VRK2: variants seen among roughly 807,000 people sequenced by gnomAD.
The protein encoded by VRK2 is serine/threonine-protein kinase VRK2.
In VRK2, 60 loss-of-function variants were observed where a neutral mutation model predicts 57.6. The ratio of observed to expected loss-of-function variants is 1.04; its 90% CI spans 0.85 to 1.29. The LOEUF (loss-of-function observed/expected upper bound fraction) is 1.29. Among genes scored for constraint, VRK2 ranks in the 50% most tolerant of loss-of-function variants. The pLI is 0.00. For synonymous variants in VRK2, 231 were observed against 199.2 expected (o/e 1.16, Z -1.35); for missense variants, 705 against 588.1 (o/e 1.20, Z -2.06).
intron 12 of VRK2, among the ~76,000 whole-genome samples, chr2:58,157,469 T>C (rs929221848): frequency 6.6e-6 from 1 of 152,140 alleles, no homozygotes; most frequent in Non-Finnish European, 1.5e-5. Context: ...CAACCCAAAA[T>C]GTCTCCAGAA....
At position 57,946,444 on chromosome 2, in the gene VRK2, AC is replaced by A. The variant is rs375783440; in HGVS notation, c.-439+38606del. The stretch of plus-strand genomic sequence containing the variant: ...ATTCTGATTCAAACCCTTAATAAGT[AC>A]TATTAAAGTAAAATTTTAGTAACTT... On this transcript the variant is annotated intron_variant, in intron 1 of 15. Coordinates refer to the VRK2 transcript ENST00000417641. Among the ~76,000 whole-genome samples the A allele has an allele frequency of 3.5e-4, 53 of 152,264 alleles. 1 individual carries two copies. In the South Asian group the frequency reaches 0.01, roughly 30 times the overall value.
intron 7 of VRK2, among the ~76,000 whole-genome samples, chr2:58,117,625 C>T (rs533152263): frequency 2.0e-5 from 3 of 152,188 alleles, no homozygotes; most frequent in South Asian, 2.1e-4. Context: ...AATGCCTGGA[C>T]GTCAGGCACC....
intron 1 of VRK2, among the ~76,000 whole-genome samples, chr2:57,951,583 T>C (rs896127505): frequency 3.3e-5 from 5 of 152,170 alleles, no homozygotes; most frequent in Non-Finnish European, 7.3e-5. Context: ...GAAGAGTCAA[T>C]TGATGCTGCA....
At chr2:58,118,914 G>GT (rs1260814727) in intron 7 of VRK2, among the ~76,000 whole-genome samples, 7 of 152,314 alleles carry the variant, frequency 4.6e-5, no homozygotes, top group African/African-American at 1.7e-4. Context: ...AAGGTGCTCA[G>GT]TGGGGTAGCT....
chr2:57,914,371 A>C (rs1251849884), intron 1 of VRK2, among the ~76,000 whole-genome samples: 2 of 152,034 alleles, frequency 1.3e-5, no homozygotes, highest in Admixed American at 1.3e-4. Flanking sequence ...ACCTTAGTTA[A>C]TATCAGCTCT....
intron 11 of VRK2, among the ~76,000 whole-genome samples, chr2:58,143,090 G>A (rs1224963782): frequency 6.6e-6 from 1 of 151,736 alleles, no homozygotes; most frequent in East Asian, 1.9e-4. Context: ...GAATTTAACG[G>A]TTTACAAAAT....
At chr2:57,935,661 C>T (rs1293625416) in intron 1 of VRK2, among the ~76,000 whole-genome samples, 2 of 151,322 alleles carry the variant, frequency 1.3e-5, no homozygotes, top group Non-Finnish European at 2.9e-5. Context: ...TCTCTGCTCT[C>T]ATTCTCTCCC....
At chr2:58,136,706 T>C (rs1048037112) in intron 10 of VRK2, among the ~76,000 whole-genome samples, 1 of 150,534 alleles carries the variant, frequency 6.6e-6, no homozygotes, top group African/African-American at 2.4e-5. Context: ...TTTTACCAAG[T>C]TGTATAGTTC....
chr2:58,060,879 C>T, intron 2 of VRK2, among the ~76,000 whole-genome samples: 1 of 151,840 alleles, frequency 6.6e-6, no homozygotes, highest in East Asian at 1.9e-4. Flanking sequence ...AATAATAGCT[C>T]TCATTCTATT....
At chr2:58,138,828 A>G (rs113873051) in intron 10 of VRK2, among the ~76,000 whole-genome samples, 5 of 152,202 alleles carry the variant, frequency 3.3e-5, no homozygotes, top group Admixed American at 1.3e-4. Context: ...GTTTTTAAAT[A>G]GTATTTGGTA....
At chr2:57,960,873 C>T (rs1241929473) in intron 1 of VRK2, among the ~76,000 whole-genome samples, 1 of 152,188 alleles carries the variant, frequency 6.6e-6, no homozygotes, top group Non-Finnish European at 1.5e-5. Context: ...AGGGCCCTGC[C>T]CTCCTCCATT....
chr2:57,995,643 G>GT (rs922962766), intron 1 of VRK2, among the ~76,000 whole-genome samples: 1 of 152,102 alleles, frequency 6.6e-6, no homozygotes, highest in Admixed American at 6.5e-5. Flanking sequence ...GGCTTACTCT[G>GT]TTTGAGTGTG....
intron 2 of VRK2, among the ~76,000 whole-genome samples, chr2:58,058,166 C>G (rs1360833886): frequency 6.6e-6 from 1 of 151,986 alleles, no homozygotes; most frequent in Non-Finnish European, 1.5e-5. Flanking sequence ...ATTTTAAAAT[C>G]AAATGAAAGA....
chr2:58,016,300 C>T (rs546376195), intron 1 of VRK2, among the ~76,000 whole-genome samples: 21 of 152,176 alleles, frequency 1.4e-4, no homozygotes, highest in Non-Finnish European at 2.5e-4. Flanking sequence ...TAATTATACA[C>T]TCTTGCAGAA....
At chr2:57,983,602 TC>T (rs1672500901) in intron 1 of VRK2, among the ~76,000 whole-genome samples, 1 of 152,200 alleles carries the variant, frequency 6.6e-6, no homozygotes, top group African/African-American at 2.4e-5. Context: ...GTATTTGCCT[TC>T]CTTTCACATT....
intron 7 of VRK2, among the ~76,000 whole-genome samples, chr2:58,092,735 A>G (rs1389851660): frequency 1.3e-5 from 2 of 152,096 alleles, no homozygotes; most frequent in African/African-American, 4.8e-5. Flanking sequence ...ATATATGTAT[A>G]CATGTGCCAT....
intron 1 of VRK2, among the ~76,000 whole-genome samples, chr2:57,942,656 G>A (rs1671137034): frequency 6.6e-6 from 1 of 151,976 alleles, no homozygotes; most frequent in African/African-American, 2.4e-5. Flanking sequence ...TTTAACTACT[G>A]TACCTTGCAG....
At chr2:58,092,905 C>T (rs1276651841) in intron 7 of VRK2, among the ~76,000 whole-genome samples, 1 of 152,124 alleles carries the variant, frequency 6.6e-6, no homozygotes, top group Non-Finnish European at 1.5e-5. Flanking sequence ...TGAGTAAGAA[C>T]ATGCGGTGTT....
At chr2:58,000,928 C>G (rs930925609) in intron 1 of VRK2, among the ~76,000 whole-genome samples, 14 of 152,138 alleles carry the variant, frequency 9.2e-5, no homozygotes, top group African/African-American at 3.4e-4. Flanking sequence ...TTGAAATCAT[C>G]TAGGCTAGAA....
Sources: allele counts gnomAD v4.1 joint callset (sites outside exome capture counted in the v4.1 genomes callset), GRCh38; gene constraint gnomAD v4.1.1; transcripts MANE v1.5; gene names NCBI Gene and HGNC (gene_info 2026-07-23, HGNC 2026-07-21).